DOCK7: variants seen among roughly 807,000 people sequenced by gnomAD.
DOCK7 encodes the protein dedicator of cytokinesis 7, also known as dedicator of cytokinesis protein 7.
Under a neutral mutation model 271.0 loss-of-function variants are expected in DOCK7, and 138 were observed. The observed-to-expected ratio is 0.51, with a 90% confidence interval of 0.44 to 0.59. DOCK7 has a LOEUF of 0.59. Among genes scored for constraint, DOCK7 ranks in the 20% least tolerant of loss-of-function variants. The pLI, the probability that DOCK7 is intolerant of heterozygous loss-of-function variation, is 0.00. For missense variants in DOCK7, 2,066 were observed against 2,592.4 expected, an observed-to-expected ratio of 0.80 and a Z score of 4.41; for synonymous variants, 823 against 876.1, an observed-to-expected ratio of 0.94 and a Z score of 1.07.
intron 43 of DOCK7, chr1:62,479,047 A>T (rs1646043969): frequency 6.6e-6 from 1 of 152,146 alleles, no homozygotes; most frequent in Non-Finnish European, 1.5e-5. Context: ...CACCTTGCTC[A>T]GCTAATTTTT....
intron 14 of DOCK7, among the ~76,000 whole-genome samples, chr1:62,594,203 T>C (rs1482584577): frequency 6.6e-6 from 1 of 152,160 alleles, no homozygotes; most frequent in Non-Finnish European, 1.5e-5. Context: ...GATCAGATTC[T>C]GCTTTTAGCA....
chr1:62,513,885 T>C lies in DOCK7; in HGVS notation c.3950A>G (p.His1317Arg). Residue 1317 changes from histidine to arginine, a missense_variant, in exon 32 of 50, where the codon CAC becomes CGC. Transcript: ENST00000635253. ...ACTTGATTCTGCTGAAAAGGTAGTGTGTTGCCTGCCACTCTGAAAATAAAG... is the reference window on the plus strand; with the variant it reads ...ACTTGATTCTGCTGAAAAGGTAGTGCGTTGCCTGCCACTCTGAAAATAAAG... ...FLLTSTSGRQ[H>R]TTFSAESSRS... 6.2e-7 allele frequency: 1 copy of C among 1,612,928 alleles called. No individual in the cohort carries two copies. Among genetic ancestry groups the C allele is most frequent in the South Asian group, 1.1e-5 (1 of 90,724 alleles).
At chr1:62,486,145 T>C (rs1438636776) in intron 43 of DOCK7, 2 of 152,294 alleles carry the variant, frequency 1.3e-5, no homozygotes, top group South Asian at 2.1e-4. Context: ...TCTCTTTATG[T>C]ATGTCTTAAC....
At chr1:62,462,886 C>A (rs1645570144) in intron 48 of DOCK7, among the ~76,000 whole-genome samples, 1 of 144,236 alleles carries the variant, frequency 6.9e-6, no homozygotes, top group Non-Finnish European at 1.5e-5. Context: ...CCGGCTCTTG[C>A]AGGCACATTT....
chr1:62,490,448 A>C (rs962710256), intron 41 of DOCK7, among the ~76,000 whole-genome samples: 4 of 152,066 alleles, frequency 2.6e-5, no homozygotes, highest in Non-Finnish European at 5.9e-5. Flanking sequence ...GAAGAGAGAG[A>C]TGTTTTCCAA....
chr1:62,480,198 T>C (rs1170050594), intron 43 of DOCK7, among the ~76,000 whole-genome samples: 4 of 152,192 alleles, frequency 2.6e-5, no homozygotes, highest in East Asian at 3.8e-4. Context: ...ATCCCAGATA[T>C]AACCATAATA....
chr1:62,461,221 TA>T (rs541876561), intron 48 of DOCK7, among the ~76,000 whole-genome samples: 136 of 152,280 alleles, frequency 8.9e-4, no homozygotes, highest in African/African-American at 3.2e-3. Flanking sequence ...TCTCTATTCC[TA>T]GTCAACAGAG....
At chr1:62,518,864 G>A (rs1428906893) in intron 31 of DOCK7, among the ~76,000 whole-genome samples, 2 of 151,786 alleles carry the variant, frequency 1.3e-5, no homozygotes, top group East Asian at 1.9e-4. Context: ...AAATGTAAAT[G>A]GATTAGAAAC....
At chr1:62,580,334 A>G (rs1174428714) in intron 16 of DOCK7, among the ~76,000 whole-genome samples, 1 of 152,208 alleles carries the variant, frequency 6.6e-6, no homozygotes, top group Non-Finnish European at 1.5e-5. Flanking sequence ...ATAAGACACT[A>G]GGCATCTTAT....
intron 18 of DOCK7, among the ~76,000 whole-genome samples, chr1:62,574,270 A>G (rs1361831949): frequency 6.6e-6 from 1 of 152,248 alleles, no homozygotes; most frequent in Non-Finnish European, 1.5e-5. Context: ...TGGAAGGATT[A>G]TACCACTGAA....
At chr1:62,528,339 C>G in intron 30 of DOCK7, 34 bp from the exon 31 acceptor site, 1 of 1,561,414 alleles carries the variant, frequency 6.4e-7, no homozygotes, top group East Asian at 2.3e-5. Context: ...ATAAATAAAA[C>G]TGTTTAGCTG....
chr1:62,471,119 C>G (rs1270539162), intron 48 of DOCK7, among the ~76,000 whole-genome samples: 1 of 152,106 alleles, frequency 6.6e-6, no homozygotes, highest in East Asian at 1.9e-4. Context: ...TTTCTTTTCT[C>G]TAGCTTACTT....
intron 2 of DOCK7, among the ~76,000 whole-genome samples, chr1:62,662,015 T>G (rs1022776700): frequency 6.6e-6 from 1 of 152,204 alleles, no homozygotes; most frequent in Non-Finnish European, 1.5e-5. Flanking sequence ...AAACTTTATG[T>G]TTTCAAATTT....
chr1:62,652,688 C>G (rs1657533794), intron 4 of DOCK7, among the ~76,000 whole-genome samples: 1 of 152,122 alleles, frequency 6.6e-6, no homozygotes, highest in African/African-American at 2.4e-5. Context: ...TACAACTAAC[C>G]TTTTTATTAA....
chr1:62,649,720 C>A (rs1456998650), intron 4 of DOCK7, among the ~76,000 whole-genome samples: 1 of 152,174 alleles, frequency 6.6e-6, no homozygotes, highest in African/African-American at 2.4e-5. Context: ...CCACACACAT[C>A]ACCATTTTTC....
intron 16 of DOCK7, among the ~76,000 whole-genome samples, chr1:62,579,369 A>C (rs531426839): frequency 6.6e-6 from 1 of 152,154 alleles, no homozygotes; most frequent in Non-Finnish European, 1.5e-5. Context: ...TCATATTAAA[A>C]CTAATGTTTA....
At chr1:62,536,581 C>A (rs1354547125) in intron 28 of DOCK7, among the ~76,000 whole-genome samples, 3 of 152,006 alleles carry the variant, frequency 2.0e-5, no homozygotes, top group African/African-American at 7.2e-5. Flanking sequence ...ATAGGCTGAT[C>A]CAGAAGATTT....
intron 43 of DOCK7, among the ~76,000 whole-genome samples, chr1:62,481,068 G>T (rs1384645125): frequency 2.0e-5 from 3 of 151,922 alleles, no homozygotes; most frequent in African/African-American, 7.3e-5. Flanking sequence ...GTCAGGGTAG[G>T]TTTCATCTGA....
chr1:62,674,029 G>A (rs906292306), intron 1 of DOCK7, among the ~76,000 whole-genome samples: 17 of 151,906 alleles, frequency 1.1e-4, no homozygotes, highest in Non-Finnish European at 1.8e-4. Context: ...TTTACTCACA[G>A]AAAAAATTAT....
Sources: gnomAD v4.1 joint callset for allele counts (sites outside exome capture counted in the v4.1 genomes callset) on GRCh38, gnomAD v4.1.1 for gene constraint, MANE v1.5 for transcripts, NCBI Gene and HGNC (gene_info 2026-07-23, HGNC 2026-07-21) for gene names.